The following ACAD10 variants were observed in gnomAD, a reference collection of about 807,000 sequenced individuals.
ACAD10 encodes the protein acyl-CoA dehydrogenase family member 10, also known as ACAD-10.
In ACAD10, 112 loss-of-function variants were observed where a neutral mutation model predicts 116.8. That is an observed-to-expected ratio of 0.96 (90% confidence interval 0.82 to 1.12). The LOEUF is 1.12. Ranked by LOEUF, ACAD10 falls within the 50% of genes most tolerant of loss-of-function variation. ACAD10 has a pLI of 0.00. For synonymous variants in ACAD10, 486 were observed against 510.6 expected, an observed-to-expected ratio of 0.95 and a Z score of 0.65; for missense variants, 1,259 against 1,350.2, an observed-to-expected ratio of 0.93 and a Z score of 1.06.
intron 2 of ACAD10, among the ~76,000 whole-genome samples, chr12:111,700,744 T>TTCCTTCCTTCCTTCCTTC (rs1400394382): frequency 6.9e-6 from 1 of 145,954 alleles, no homozygotes; most frequent in African/African-American, 2.5e-5. Flanking sequence ...CCTTCCTTCC[T>TTCCTTCCTTCCTTCCTTC]CTTCTTTTTT....
At chr12:111,748,967 C>A (rs372023343) in intron 17 of ACAD10, 1 of 1,545,732 alleles carries the variant, frequency 6.5e-7, no homozygotes, top group East Asian at 2.3e-5. Context: ...ACAGAATAGT[C>A]ATTTGCCATT....
In ACAD10 at chr12:111,705,746, C is replaced by T. The variant is rs1888482709; in HGVS notation, c.345C>T (p.Thr115=). The stretch of plus-strand genomic sequence containing the variant: ...CCCTCTCCTGTTCTTAGTTAAAGAC[C>T]TCCGTGCCTGTGGACTCATTTTTCT... ...FGRLCSEMLK[T]SVPVDSFFSL... The change falls in exon 4 of 21, where the codon ACC becomes ACT. Residue 115 remains threonine (T), a synonymous_variant. Transcript: ENST00000313698. The T allele has an allele frequency of 1.9e-6, 3 of 1,613,868 alleles. No individual in the cohort carries two copies. Among genetic ancestry groups the T allele is most frequent in the African/African-American group, 1.3e-5 (1 of 74,886 alleles).
chr12:111,747,239 A>G (rs937560537), intron 15 of ACAD10, 53 bp downstream of exon 15: 8 of 1,611,950 alleles, frequency 5.0e-6, no homozygotes, highest in Non-Finnish European at 5.9e-6. Flanking sequence ...TGTCGGCCCC[A>G]CAGGGAACAC....
At chr12:111,721,102 G>T (rs1387018403) in intron 7 of ACAD10, among the ~76,000 whole-genome samples, 1 of 151,908 alleles carries the variant, frequency 6.6e-6, no homozygotes, top group African/African-American at 2.4e-5. Context: ...CTTTTAATTG[G>T]AATCTATTCA....
intron 6 of ACAD10, chr12:111,715,599 T>A: frequency 1.9e-6 from 1 of 534,346 alleles, no homozygotes; most frequent in Non-Finnish European, 3.3e-6. Flanking sequence ...ATGAATGGCC[T>A]TTGACAAACT....
At chr12:111,755,164 A>G (rs1444935079) in intron 19 of ACAD10, among the ~76,000 whole-genome samples, 1 of 152,098 alleles carries the variant, frequency 6.6e-6, no homozygotes, top group South Asian at 2.1e-4. Flanking sequence ...GTAGAGTGGC[A>G]CAATCTTGGC....
At position 111,746,272 on chromosome 12, in the gene ACAD10, G is replaced by T. The variant is rs1426878800; in HGVS notation, c.2244G>T (p.Leu748=). Reference sequence around the variant, plus strand: ...TGTGTGAGCTCATGGGCACGTCCCTGTATGCCCCCGAGGTACCTTCTTTAA... The same window carrying T: ...TGTGTGAGCTCATGGGCACGTCCCTTTATGCCCCCGAGGTACCTTCTTTAA... The part of the protein sequence containing the change: ...AHLCELMGTS[L]YAPEVCNCSA... Residue 748 remains leucine (L), a synonymous_variant, in exon 14 of 21, where the codon CTG becomes CTT. Transcript: ENST00000313698. 1 of 1,612,472 alleles carries T rather than the reference G, an allele frequency of 6.2e-7. No individual in the cohort carries two copies. Among genetic ancestry groups the T allele is most frequent in the South Asian group, 1.1e-5 (1 of 90,698 alleles).
At chr12:111,747,024 T>C (rs1160252004) in intron 14 of ACAD10, 25 bp from the exon 15 acceptor site, 3 of 1,553,602 alleles carry the variant, frequency 1.9e-6, no homozygotes, top group Non-Finnish European at 2.6e-6. Flanking sequence ...ATGACAGTCA[T>C]GGTCACGCTC....
chr12:111,724,654 C>T (rs994160032), intron 8 of ACAD10, among the ~76,000 whole-genome samples: 166 of 151,784 alleles, frequency 1.1e-3, no homozygotes, highest in African/African-American at 3.8e-3. Flanking sequence ...ACCAGTCAGG[C>T]GTGGCGGCGC....
At position 111,746,418 on chromosome 12, in the gene ACAD10, C is replaced by T. The variant is rs1016366164; in HGVS notation, c.2256+134C>T. 56 of 1,002,560 alleles carry T rather than the reference C, an allele frequency of 5.6e-5. 1 individual carries two copies. Among genetic ancestry groups the T allele is most frequent in the South Asian group, 8.7e-5 (4 of 46,192 alleles). The allele number at this position is 1,002,560 out of a possible 1,614,324, so 62.1% of individuals were successfully genotyped here. A position where few individuals can be genotyped will look rare whatever the true frequency, so the allele number is the denominator to read the frequency against. On this transcript the variant is annotated intron_variant, in intron 14 of 20. Coordinates refer to ENST00000313698, the MANE Select transcript of ACAD10 (RefSeq NM_025247.6). ...TTTTTTTTTTTTTGAGATGGAGTCT[C>T]GCTCTGTCACCCAGGCTGGAGTGTA...
chr12:111,708,533 T>C (rs1888577131), intron 4 of ACAD10, among the ~76,000 whole-genome samples: 1 of 152,128 alleles, frequency 6.6e-6, no homozygotes, highest in African/African-American at 2.4e-5. Flanking sequence ...GTCCAGTTTA[T>C]TCCAGACATT....
chr12:111,727,263 G>A (rs998106374), intron 8 of ACAD10, among the ~76,000 whole-genome samples: 1 of 150,302 alleles, frequency 6.7e-6, no homozygotes, highest in Non-Finnish European at 1.5e-5. Context: ...AGTGGCTCAC[G>A]CCTATAATCC....
chr12:111,736,899 C>T lies in ACAD10; in HGVS notation c.1609C>T (p.Leu537Phe). The T allele has an allele frequency of 6.2e-7, 1 of 1,614,206 alleles. No homozygotes were observed. Among genetic ancestry groups the T allele is most frequent in the Non-Finnish European group, 8.5e-7 (1 of 1,180,044 alleles). ...AAEEYFRMYC[L>F]QMGLPPTENW... ...AGAGGAGTATTTCAGGATGTACTGTCTCCAAATGGGGCTCCCTCCCACTGA... is the reference window on the plus strand; with the variant it reads ...AGAGGAGTATTTCAGGATGTACTGTTTCCAAATGGGGCTCCCTCCCACTGA... The change falls in exon 12 of 21, where the codon CTC becomes TTC. Residue 537 changes from leucine to phenylalanine, a missense_variant. Physicochemically the swap from Leu to Phe is conservative, Grantham distance 22. Transcript: ENST00000313698.
intron 4 of ACAD10, 101 bp downstream of exon 4, chr12:111,706,033 T>G: frequency 7.6e-7 from 1 of 1,314,530 alleles, no homozygotes. Context: ...AGTGAGGGAG[T>G]TTTTCCTTCA....
chr12:111,715,996 C>A, intron 7 of ACAD10, 34 bp downstream of exon 7: 2 of 1,613,058 alleles, frequency 1.2e-6, no homozygotes, highest in Non-Finnish European at 1.7e-6. Context: ...CACTTGCCCA[C>A]TAGCCTCCAC....
chr12:111,755,037 A>C (rs958673154), intron 19 of ACAD10, among the ~76,000 whole-genome samples: 1 of 151,930 alleles, frequency 6.6e-6, no homozygotes, highest in African/African-American at 2.4e-5. Context: ...GTGGTGTTTG[A>C]CTTCTTGCTG....
At chr12:111,711,487 G>T (rs540363385) in intron 5 of ACAD10, among the ~76,000 whole-genome samples, 61 of 151,658 alleles carry the variant, frequency 4.0e-4, no homozygotes, top group Non-Finnish European at 7.9e-4. Flanking sequence ...GGGATTACAG[G>T]CGTGAGCCAC....
intron 18 of ACAD10, among the ~76,000 whole-genome samples, chr12:111,752,244 A>G (rs774921296): frequency 1.6e-4 from 24 of 151,838 alleles, no homozygotes; most frequent in Non-Finnish European, 2.9e-4. Flanking sequence ...AAAACAAACA[A>G]AAACAGGCTG....
chr12:111,756,545 G>A lies in ACAD10; in HGVS notation c.*72G>A. 11 of 1,577,272 alleles carry A rather than the reference G, an allele frequency of 7.0e-6. No homozygotes were observed. The highest frequency in any genetic ancestry group is 4.6e-5 in the South Asian group (4 of 86,564). ...CCCAGATCTGTCACTGATGTGCCTCGAAAGATCCGGTGTTTGTGGCTCCTG... is the reference window on the plus strand; with the variant it reads ...CCCAGATCTGTCACTGATGTGCCTCAAAAGATCCGGTGTTTGTGGCTCCTG... On this transcript the variant is annotated 3_prime_UTR_variant, in exon 21 of 21. Coordinates refer to ENST00000313698, the MANE Select transcript of ACAD10 (RefSeq NM_025247.6).
Sources: allele counts gnomAD v4.1 joint callset (sites outside exome capture counted in the v4.1 genomes callset), GRCh38; gene constraint gnomAD v4.1.1; transcripts MANE v1.5; gene names NCBI Gene and HGNC (gene_info 2026-07-23, HGNC 2026-07-21).